Variants in TEX9 observed in about 807,000 individuals in gnomAD.
TEX9 encodes testis-expressed protein 9.
Under a neutral mutation model 59.6 loss-of-function variants are expected in TEX9, and 74 were observed. That is an observed-to-expected ratio of 1.24 (90% confidence interval 1.03 to 1.51). The LOEUF (loss-of-function observed/expected upper bound fraction) is 1.51. Ranked by LOEUF, TEX9 falls within the 40% of genes most tolerant of loss-of-function variation. The pLI, the probability that TEX9 is intolerant of heterozygous loss-of-function variation, is 0.00. For synonymous variants in TEX9, 186 were observed against 152.2 expected, an observed-to-expected ratio of 1.22 and a Z score of -1.64; for missense variants, 522 against 447.8, an observed-to-expected ratio of 1.17 and a Z score of -1.49.
intron 1 of TEX9, among the ~76,000 whole-genome samples, chr15:56,337,900 A>G (rs2046288098): frequency 6.6e-6 from 1 of 152,196 alleles, no homozygotes; most frequent in South Asian, 2.1e-4. Context: ...TTGCTTAAAT[A>G]AACTCTTTAA....
chr15:56,438,478 T>G (rs1391358472), intron 12 of TEX9, among the ~76,000 whole-genome samples: 1 of 152,076 alleles, frequency 6.6e-6, no homozygotes, highest in African/African-American at 2.4e-5. Flanking sequence ...CCTTACACCT[T>G]ATACAAAAAT....
Position 56,374,094 on chromosome 15 carries a change from T to A in TEX9, c.183+590T>A, listed in dbSNP as rs117906767. 20 of 151,850 alleles carry A rather than the reference T, an allele frequency of 1.3e-4. No individual in the cohort carries two copies. In the East Asian group the frequency reaches 3.7e-3, roughly 28 times the overall value. The allele number at this position is 151,850 out of a possible 1,614,324, so 9.4% of individuals were successfully genotyped here. A position where few individuals can be genotyped will look rare whatever the true frequency, so the allele number is the denominator to read the frequency against. ...ATATTTATAATTAAATTTATACTTA[T>A]ATGTTTTACTAATTTATAATTAAAT... On this transcript the variant is annotated intron_variant, in intron 3 of 12. Transcript: ENST00000352903.
At chr15:56,268,989 G>A (rs2044457881) in intron 1 of TEX9, among the ~76,000 whole-genome samples, 1 of 152,058 alleles carries the variant, frequency 6.6e-6, no homozygotes, top group Non-Finnish European at 1.5e-5. Context: ...ATTAATGATT[G>A]CCTCAATTTC....
the TEX9 span, among the ~76,000 whole-genome samples, chr15:56,457,243 G>A: frequency 2.6e-5 from 4 of 152,194 alleles, no homozygotes; most frequent in South Asian, 8.3e-4. Flanking sequence ...ATATATCACT[G>A]AACTTTTTTT....
chr15:56,428,396 T>C (rs779034810), exon 12 of TEX9: 4 of 1,612,306 alleles, frequency 2.5e-6, no homozygotes, highest in Admixed American at 1.7e-5. Context: ...AGATGCTATC[T>C]TTCACTGAGG....
At chr15:56,436,437 T>C (rs1466422355) in intron 12 of TEX9, among the ~76,000 whole-genome samples, 2 of 152,110 alleles carry the variant, frequency 1.3e-5, no homozygotes, top group Non-Finnish European at 2.9e-5. Context: ...TACCAGAATC[T>C]CTGGGACACA....
Position 56,389,404 on chromosome 15 carries a change from T to A in TEX9, c.395+4T>A. On this transcript the variant is annotated splice_donor_region_variant and intron_variant, in intron 6 of 12. Coordinates refer to ENST00000352903, the Ensembl canonical transcript of TEX9. ...AAGGAAGGAAAACAAATTCAAGGTA[T>A]AGTATAGTTTTCAAAGTATTTCTTT... is the stretch of plus-strand genomic sequence containing the variant. The A allele has an allele frequency of 1.3e-6, 2 of 1,585,302 alleles. No homozygotes were observed. The highest frequency in any genetic ancestry group is 1.7e-6 in the Non-Finnish European group (2 of 1,158,422).
intron 1 of TEX9, among the ~76,000 whole-genome samples, chr15:56,328,808 C>T (rs531755048): frequency 6.6e-6 from 1 of 152,252 alleles, no homozygotes; most frequent in East Asian, 1.9e-4. Flanking sequence ...TTTTTGACTC[C>T]AGGCCCTGAC....
At chr15:56,302,796 C>T (rs200102753) in intron 1 of TEX9, among the ~76,000 whole-genome samples, 21 of 152,118 alleles carry the variant, frequency 1.4e-4, no homozygotes, top group Non-Finnish European at 2.4e-4. Context: ...ACCCAATAAT[C>T]GGTTGCCTAT....
chr15:56,294,212 C>T (rs1445366384), intron 1 of TEX9, among the ~76,000 whole-genome samples: 1 of 152,208 alleles, frequency 6.6e-6, no homozygotes. Context: ...AGATGTTTCA[C>T]TTTCACTAGC....
intron 1 of TEX9, among the ~76,000 whole-genome samples, chr15:56,300,108 T>G (rs1470893955): frequency 6.6e-6 from 1 of 152,098 alleles, no homozygotes; most frequent in East Asian, 1.9e-4. Flanking sequence ...GATGGCATTT[T>G]TTGAACCGCC....
At chr15:56,317,450 G>A (rs926437158) in intron 1 of TEX9, among the ~76,000 whole-genome samples, 1 of 152,070 alleles carries the variant, frequency 6.6e-6, no homozygotes, top group African/African-American at 2.4e-5. Context: ...CTAGCTAAAG[G>A]TTTGTCAGTT....
At chr15:56,252,847 A>G (rs367998980) in intron 1 of TEX9, among the ~76,000 whole-genome samples, 4 of 152,128 alleles carry the variant, frequency 2.6e-5, no homozygotes, top group Admixed American at 1.3e-4. Context: ...CAGTTTTCCA[A>G]TTGGTAAAAG....
intron 3 of TEX9, among the ~76,000 whole-genome samples, chr15:56,376,569 A>T (rs1237003221): frequency 2.0e-5 from 3 of 152,074 alleles, no homozygotes; most frequent in Admixed American, 6.6e-5. Flanking sequence ...AGAAATGTCT[A>T]TTCAGATCTT....
intron 1 of TEX9, among the ~76,000 whole-genome samples, chr15:56,270,825 G>C (rs1567068622): frequency 6.6e-6 from 1 of 152,178 alleles, no homozygotes; most frequent in African/African-American, 2.4e-5. Flanking sequence ...TGTAAGGCAG[G>C]CCTGGTGGTG....
chr15:56,329,405 T>G (rs2046094689), intron 1 of TEX9, among the ~76,000 whole-genome samples: 1 of 152,036 alleles, frequency 6.6e-6, no homozygotes, highest in African/African-American at 2.4e-5. Flanking sequence ...ATCAAGACCA[T>G]CAAGGAAAAC....
chr15:56,256,582 G>C (rs139408498), intron 1 of TEX9, among the ~76,000 whole-genome samples: 1 of 152,028 alleles, frequency 6.6e-6, no homozygotes, highest in Non-Finnish European at 1.5e-5. Context: ...GGATAAATTT[G>C]TATAAAACTA....
chr15:56,400,464 T>A (rs1314675190), intron 9 of TEX9, among the ~76,000 whole-genome samples: 2 of 152,068 alleles, frequency 1.3e-5, no homozygotes, highest in South Asian at 2.1e-4. Context: ...CAACAGAGCC[T>A]TCAAGAAAAA....
At chr15:56,332,760 G>T (rs189856955) in intron 1 of TEX9, among the ~76,000 whole-genome samples, 1 of 151,776 alleles carries the variant, frequency 6.6e-6, no homozygotes, top group Non-Finnish European at 1.5e-5. Flanking sequence ...AAGAAAAAAT[G>T]TACAAACCGT....
Sources: gnomAD v4.1 joint callset for allele counts (sites outside exome capture counted in the v4.1 genomes callset) on GRCh38, gnomAD v4.1.1 for gene constraint, MANE v1.5 for transcripts, NCBI Gene and HGNC (gene_info 2026-07-23, HGNC 2026-07-21) for gene names.